Variants in ARHGAP15 observed in about 807,000 individuals in gnomAD.
The protein encoded by ARHGAP15 is Rho GTPase activating protein 15.
A neutral mutation model predicts 63.7 loss-of-function variants in ARHGAP15; 51 were observed. The observed-to-expected ratio is 0.80, with a 90% CI of 0.64 to 1.01. The LOEUF is 1.01. Ranked by LOEUF, ARHGAP15 falls within the 50% of genes least tolerant of loss-of-function variation. The pLI is 0.00. For missense variants in ARHGAP15, 560 were observed against 564.6 expected (o/e 0.99, Z 0.08); for synonymous variants, 191 against 193.8 (o/e 0.99, Z 0.12).
chr2:143,200,378 T>TA (rs1021239922), intron 2 of ARHGAP15, among the ~76,000 whole-genome samples: 8 of 151,930 alleles, frequency 5.3e-5, no homozygotes, highest in African/African-American at 1.9e-4. Context: ...GATTCTGATT[T>TA]TTTTTTTTTT....
chr2:143,444,772 A>C (rs1690056173), intron 8 of ARHGAP15, among the ~76,000 whole-genome samples: 1 of 152,180 alleles, frequency 6.6e-6, no homozygotes, highest in African/African-American at 2.4e-5. Flanking sequence ...CACTAAACAA[A>C]ATCAGATATT....
intron 12 of ARHGAP15, among the ~76,000 whole-genome samples, chr2:143,635,758 A>G (rs1680277473): frequency 2.6e-5 from 4 of 152,166 alleles, no homozygotes. Context: ...TGGAAAATGA[A>G]TACACTATTA....
At chr2:143,578,558 AT>A (rs112080080) in intron 11 of ARHGAP15, among the ~76,000 whole-genome samples, 1 of 152,212 alleles carries the variant, frequency 6.6e-6, no homozygotes, top group African/African-American at 2.4e-5. Context: ...CGCTCTATAC[AT>A]TTTTAAAAAA....
At chr2:143,408,729 A>G (rs1688319552) in intron 6 of ARHGAP15, among the ~76,000 whole-genome samples, 1 of 152,092 alleles carries the variant, frequency 6.6e-6, no homozygotes, top group African/African-American at 2.4e-5. Context: ...TATAGATGAT[A>G]TTTGAAGCAT....
intron 6 of ARHGAP15, among the ~76,000 whole-genome samples, chr2:143,278,964 G>T (rs1681709456): frequency 6.6e-6 from 1 of 150,796 alleles, no homozygotes; most frequent in South Asian, 2.1e-4. Context: ...AAATAGCAGA[G>T]AATTTAGAGG....
In ARHGAP15 at chr2:143,314,843, C is replaced by T. The variant is rs1179490090; in HGVS notation, c.474+64243C>T. Among the ~76,000 whole-genome samples the T allele has an allele frequency of 7.4e-5, 11 of 148,690 alleles. No individual in the cohort carries two copies. In the East Asian group the frequency reaches 1.2e-3, roughly 16 times the overall value. The stretch of plus-strand genomic sequence containing the variant: ...CTCAAGATAATGAATGACATCACAA[C>T]GCAATTTCACTCATCTGTCCTCAGT... On this transcript the variant is annotated intron_variant, in intron 6 of 13. Coordinates refer to ENST00000295095, the MANE Select transcript of ARHGAP15 (RefSeq NM_018460.4).
At chr2:143,287,743 C>T (rs1038504265) in intron 6 of ARHGAP15, among the ~76,000 whole-genome samples, 2 of 151,912 alleles carry the variant, frequency 1.3e-5, no homozygotes, top group African/African-American at 4.8e-5. Flanking sequence ...GTGGAGGTTG[C>T]AGTAAGCTGA....
chr2:143,684,453 T>C (rs1394744571), intron 12 of ARHGAP15, among the ~76,000 whole-genome samples: 1 of 151,968 alleles, frequency 6.6e-6, no homozygotes, highest in Admixed American at 6.6e-5. Context: ...TGAAATAGGA[T>C]GGATCATCTC....
chr2:143,278,112 G>A (rs796400791), intron 6 of ARHGAP15, among the ~76,000 whole-genome samples: 8 of 152,224 alleles, frequency 5.3e-5, no homozygotes, highest in African/African-American at 1.2e-4. Flanking sequence ...CAGTGCCAGG[G>A]TTGGTTAATT....
intron 9 of ARHGAP15, among the ~76,000 whole-genome samples, chr2:143,509,964 G>C (rs114346322): frequency 0.011 from 1,545 of 139,514 alleles, 27 homozygotes; most frequent in African/African-American, 0.039. Context: ...GAGGTGTAGT[G>C]AGCCGAGATT....
At chr2:143,718,238 A>G (rs545204686) in intron 13 of ARHGAP15, among the ~76,000 whole-genome samples, 2 of 152,308 alleles carry the variant, frequency 1.3e-5, no homozygotes, top group East Asian at 3.9e-4. Flanking sequence ...TTTTGTCTGT[A>G]GCTAGTAGCA....
intron 1 of ARHGAP15, among the ~76,000 whole-genome samples, chr2:143,146,716 A>T (rs933264769): frequency 6.6e-6 from 1 of 152,114 alleles, no homozygotes. Flanking sequence ...ATACTCTGAA[A>T]ACTTTTATTT....
intron 8 of ARHGAP15, among the ~76,000 whole-genome samples, chr2:143,479,279 G>A (rs374145155): frequency 2.0e-4 from 30 of 151,044 alleles, no homozygotes; most frequent in East Asian, 5.8e-4. Flanking sequence ...TGTTAATTTC[G>A]TAGAAGGCAG....
intron 8 of ARHGAP15, among the ~76,000 whole-genome samples, chr2:143,483,437 G>A (rs1278762932): frequency 1.3e-5 from 2 of 152,182 alleles, no homozygotes; most frequent in Non-Finnish European, 2.9e-5. Context: ...CATGGGAAAT[G>A]GCAAGGTTTT....
chr2:143,172,632 A>G (rs569278512), intron 2 of ARHGAP15, among the ~76,000 whole-genome samples: 10 of 152,230 alleles, frequency 6.6e-5, no homozygotes, highest in Middle Eastern at 3.4e-3. Flanking sequence ...GAAAGAAAGT[A>G]GGAGTCTTCT....
chr2:143,661,885 G>C (rs181854675), intron 12 of ARHGAP15, among the ~76,000 whole-genome samples: 1 of 152,208 alleles, frequency 6.6e-6, no homozygotes. Context: ...GGCGCACCAC[G>C]AGATTATATC....
chr2:143,594,853 A>G (rs1487160710), intron 11 of ARHGAP15, among the ~76,000 whole-genome samples: 1 of 152,168 alleles, frequency 6.6e-6, no homozygotes, highest in Non-Finnish European at 1.5e-5. Flanking sequence ...GAAAGGCCTT[A>G]CACAAATATG....
intron 6 of ARHGAP15, among the ~76,000 whole-genome samples, chr2:143,341,303 A>G (rs1016035584): frequency 2.6e-5 from 4 of 152,142 alleles, no homozygotes; most frequent in African/African-American, 7.2e-5. Flanking sequence ...AGACACTGTC[A>G]TATTTGAATT....
At chr2:143,613,349 G>C (rs1698332154) in intron 11 of ARHGAP15, among the ~76,000 whole-genome samples, 1 of 152,094 alleles carries the variant, frequency 6.6e-6, no homozygotes, top group African/African-American at 2.4e-5. Flanking sequence ...AATCTTATTG[G>C]TAAGTAAAAA....
Sources: gnomAD v4.1 joint callset for allele counts (sites outside exome capture counted in the v4.1 genomes callset) on GRCh38, gnomAD v4.1.1 for gene constraint, MANE v1.5 for transcripts, NCBI Gene and HGNC (gene_info 2026-07-23, HGNC 2026-07-21) for gene names.